Variants in FA2H observed in about 807,000 individuals in gnomAD.
FA2H encodes fatty acid alpha-hydroxylase.
A neutral mutation model predicts 44.9 loss-of-function variants in FA2H; 22 were observed. The observed-to-expected ratio is 0.49, with a 90% CI of 0.35 to 0.70. FA2H has a LOEUF of 0.70. Among genes scored for constraint, FA2H ranks in the 30% least tolerant of loss-of-function variants. FA2H has a pLI of 0.01. For missense variants in FA2H, 501 were observed against 504.9 expected, an observed-to-expected ratio of 0.99 and a Z score of 0.07; for synonymous variants, 243 against 213.2, an observed-to-expected ratio of 1.14 and a Z score of -1.22.
chr16:74,745,995 C>T (rs1051361011), intron 1 of FA2H, among the ~76,000 whole-genome samples: 13 of 151,936 alleles, frequency 8.6e-5, no homozygotes, highest in Non-Finnish European at 1.5e-4. Flanking sequence ...TTAGCAGAGA[C>T]GGGGTTTCAC....
At chr16:74,768,732 T>G (rs542273922) in intron 1 of FA2H, among the ~76,000 whole-genome samples, 78 of 152,274 alleles carry the variant, frequency 5.1e-4, no homozygotes, top group African/African-American at 1.7e-3. Flanking sequence ...TCCCTCCCCA[T>G]TTAATTATTC....
chr16:74,743,075 C>G (rs1001595896), intron 1 of FA2H, among the ~76,000 whole-genome samples: 3 of 152,132 alleles, frequency 2.0e-5, no homozygotes, highest in African/African-American at 7.2e-5. Flanking sequence ...TGGTCTTGAA[C>G]TCCTGTGCTC....
intron 1 of FA2H, among the ~76,000 whole-genome samples, chr16:74,746,973 T>G (rs1597561503): frequency 6.6e-6 from 1 of 152,010 alleles, no homozygotes; most frequent in South Asian, 2.1e-4. Flanking sequence ...GAAGTGGGGG[T>G]TGGACCTGGT....
intron 2 of FA2H, among the ~76,000 whole-genome samples, chr16:74,735,921 TG>T (rs1359685585): frequency 1.3e-5 from 2 of 152,226 alleles, no homozygotes; most frequent in Non-Finnish European, 2.9e-5. Flanking sequence ...AGGTTGAGGC[TG>T]CAGTGAGCTG....
intron 2 of FA2H, among the ~76,000 whole-genome samples, chr16:74,733,744 T>C (rs930501353): frequency 6.6e-6 from 1 of 152,188 alleles, no homozygotes; most frequent in Non-Finnish European, 1.5e-5. Flanking sequence ...ACATTTCGCT[T>C]CCTGCTCTAC....
chr16:74,745,320 C>A (rs1448222455), intron 1 of FA2H, among the ~76,000 whole-genome samples: 1 of 152,216 alleles, frequency 6.6e-6, no homozygotes, highest in African/African-American at 2.4e-5. Context: ...ACTCCCTAGT[C>A]CCCAGCACAG....
At chr16:74,768,435 A>G (rs952792581) in intron 1 of FA2H, among the ~76,000 whole-genome samples, 1 of 152,204 alleles carries the variant, frequency 6.6e-6, no homozygotes, top group African/African-American at 2.4e-5. Flanking sequence ...CTGGCACCAC[A>G]GCAGGCCAGA....
At chr16:74,770,312 G>T (rs565518016) in intron 1 of FA2H, among the ~76,000 whole-genome samples, 1 of 152,230 alleles carries the variant, frequency 6.6e-6, no homozygotes, top group African/African-American at 2.4e-5. Context: ...CTCCAGCCAG[G>T]CATCTCTTTG....
chr16:74,715,140 T>C (rs1247185042), intron 6 of FA2H, among the ~76,000 whole-genome samples: 1 of 152,068 alleles, frequency 6.6e-6, no homozygotes, highest in Non-Finnish European at 1.5e-5. Flanking sequence ...TTGGAGCAAC[T>C]TACCTATGTG....
chr16:74,774,468 G>A lies in FA2H; in HGVS notation c.270+18C>T, dbSNP rs759174378. The A allele has an allele frequency of 1.3e-5, 19 of 1,498,366 alleles. No individual in the cohort carries two copies. The highest frequency in any genetic ancestry group is 1.8e-4 in the Middle Eastern group (1 of 5,624). The allele number at this position is 1,498,366 out of a possible 1,614,324, so 92.8% of individuals were successfully genotyped here. ...ACGGAGGCCTGGGTTGGGGTGGGGG[G>A]CCCCGGCCCGGCTGTACCTGCTGCT... is the stretch of plus-strand genomic sequence containing the variant. On this transcript the variant is annotated intron_variant, in intron 1 of 6. Coordinates refer to ENST00000219368, the MANE Select transcript of FA2H (RefSeq NM_024306.5).
intron 1 of FA2H, among the ~76,000 whole-genome samples, chr16:74,746,651 T>A (rs1034044521): frequency 5.3e-5 from 8 of 152,182 alleles, no homozygotes; most frequent in Non-Finnish European, 4.4e-5. Flanking sequence ...TGGCCCTTGG[T>A]TTGCCAGTTT....
intron 4 of FA2H, 67 bp downstream of exon 4, chr16:74,726,158 A>C (rs1961948532): frequency 1.5e-5 from 16 of 1,086,756 alleles, no homozygotes; most frequent in Non-Finnish European, 2.3e-5. Flanking sequence ...ACTCTGGGCC[A>C]GGGAAAGCAC....
chr16:74,733,088 C>T (rs1425218021), intron 2 of FA2H, among the ~76,000 whole-genome samples: 2 of 152,236 alleles, frequency 1.3e-5, no homozygotes, highest in Admixed American at 1.3e-4. Flanking sequence ...GAGGGCCTCA[C>T]ACCCGAGCTC....
chr16:74,759,221 T>C (rs1463860866), intron 1 of FA2H, among the ~76,000 whole-genome samples: 1 of 152,252 alleles, frequency 6.6e-6, no homozygotes. Context: ...TGTCTTTAAA[T>C]GTGCACCAAC....
At position 74,774,787 on chromosome 16, in the gene FA2H, C is replaced by T. The variant is rs984773456; in HGVS notation, c.-32G>A. On this transcript the variant is annotated 5_prime_UTR_variant, in exon 1 of 7. Coordinates refer to ENST00000219368, the MANE Select transcript of FA2H (RefSeq NM_024306.5). ...AGACCGCAGCTCCCAGCGCGCAGCCCGGCGTCTGCTCTGCTGCCACCCTGA... is the reference window on the plus strand; with the variant it reads ...AGACCGCAGCTCCCAGCGCGCAGCCTGGCGTCTGCTCTGCTGCCACCCTGA... 2 of 1,276,380 alleles carry T rather than the reference C, an allele frequency of 1.6e-6. No homozygotes were observed. The highest frequency in any genetic ancestry group is 2.8e-5 in the South Asian group (1 of 35,442). 79.1% of individuals were successfully genotyped at this position (1,276,380 alleles called of 1,614,324 possible). A position where few individuals can be genotyped will look rare whatever the true frequency, so the allele number is the denominator to read the frequency against.
intron 4 of FA2H, chr16:74,725,925 T>C (rs1028067198): frequency 2.5e-6 from 1 of 403,804 alleles, no homozygotes; most frequent in East Asian, 5.4e-5. Flanking sequence ...ATGTGTCTTT[T>C]GGTGTGACAC....
chr16:74,722,911 CAAAAAAAAAAAA>C (rs554074212), intron 4 of FA2H, among the ~76,000 whole-genome samples: 1 of 112,258 alleles, frequency 8.9e-6, no homozygotes, highest in Non-Finnish European at 1.8e-5. Context: ...AACTCCATCT[CAAAAAAAAAAAA>C]AAAAAAAAAA....
intron 1 of FA2H, among the ~76,000 whole-genome samples, chr16:74,768,175 C>T (rs1962843093): frequency 6.6e-6 from 1 of 152,202 alleles, no homozygotes; most frequent in Admixed American, 6.5e-5. Flanking sequence ...GGAATACTTC[C>T]AAAGACAATT....
chr16:74,731,147 A>G, intron 2 of FA2H, among the ~76,000 whole-genome samples: 1 of 148,228 alleles, frequency 6.7e-6, no homozygotes, highest in East Asian at 1.9e-4. Context: ...TAGTCAGACA[A>G]TCTCTGCCAT....
Sources: gnomAD v4.1 joint callset for allele counts (sites outside exome capture counted in the v4.1 genomes callset) on GRCh38, gnomAD v4.1.1 for gene constraint, MANE v1.5 for transcripts, NCBI Gene and HGNC (gene_info 2026-07-23, HGNC 2026-07-21) for gene names.